Variants in PLCB1 observed in about 807,000 individuals in gnomAD.
The protein encoded by PLCB1 is phospholipase C beta 1, also known as 1-phosphatidylinositol 4,5-bisphosphate phosphodiesterase beta-1.
PLCB1 carries 46 observed loss-of-function variants against 161.8 expected under a neutral mutation model. The observed-to-expected ratio is 0.28, with a 90% confidence interval of 0.22 to 0.36. The LOEUF is 0.36. Among genes scored for constraint, PLCB1 ranks in the 10% least tolerant of loss-of-function variants. The pLI is 1.00. For synonymous variants in PLCB1, 517 were observed against 503.7 expected, an observed-to-expected ratio of 1.03 and a Z score of -0.35; for missense variants, 1,016 against 1,472.5, an observed-to-expected ratio of 0.69 and a Z score of 5.07.
chr20:8,640,805 G>A (rs1007997463), intron 4 of PLCB1, among the ~76,000 whole-genome samples: 2 of 152,194 alleles, frequency 1.3e-5, no homozygotes, highest in East Asian at 3.9e-4. Flanking sequence ...AACTTCAACA[G>A]AAACAAACAT....
intron 3 of PLCB1, among the ~76,000 whole-genome samples, chr20:8,420,394 A>G (rs764484722): frequency 1.8e-4 from 27 of 152,172 alleles, no homozygotes; most frequent in Non-Finnish European, 3.1e-4. Context: ...ATTTTTTAAA[A>G]TTCTTGGATT....
At chr20:8,279,334 A>G (rs1982763455) in intron 2 of PLCB1, among the ~76,000 whole-genome samples, 1 of 152,232 alleles carries the variant, frequency 6.6e-6, no homozygotes, top group African/African-American at 2.4e-5. Context: ...TAGAAGACAG[A>G]TGAAGCTTGG....
At chr20:8,211,608 C>A (rs879567502) in intron 2 of PLCB1, among the ~76,000 whole-genome samples, 15 of 152,038 alleles carry the variant, frequency 9.9e-5, no homozygotes, top group Admixed American at 5.9e-4. Context: ...GGAGAGGATG[C>A]AGAATGATGG....
At chr20:8,844,644 T>C (rs1360486444) in intron 31 of PLCB1, among the ~76,000 whole-genome samples, 2 of 152,136 alleles carry the variant, frequency 1.3e-5, no homozygotes, top group African/African-American at 4.8e-5. Flanking sequence ...TCAAGCCCTG[T>C]AAGTCACTAA....
chr20:8,656,321 C>T (rs1318025509), intron 7 of PLCB1, among the ~76,000 whole-genome samples: 1 of 152,040 alleles, frequency 6.6e-6, no homozygotes, highest in Non-Finnish European at 1.5e-5. Flanking sequence ...TGAACAACTT[C>T]AGACAATAAT....
At chr20:8,482,213 C>G (rs1194102466) in intron 3 of PLCB1, among the ~76,000 whole-genome samples, 1 of 148,612 alleles carries the variant, frequency 6.7e-6, no homozygotes, top group Non-Finnish European at 1.5e-5. Context: ...AAGCCATTCT[C>G]CTACCTCAGC....
chr20:8,785,804 G>C (rs758965464), intron 27 of PLCB1, among the ~76,000 whole-genome samples: 6 of 152,334 alleles, frequency 3.9e-5, no homozygotes, highest in Non-Finnish European at 7.4e-5. Context: ...AAGGGAAACA[G>C]CACATGTGAG....
At chr20:8,604,394 A>G (rs1055454525) in intron 3 of PLCB1, among the ~76,000 whole-genome samples, 1 of 152,156 alleles carries the variant, frequency 6.6e-6, no homozygotes, top group African/African-American at 2.4e-5. Context: ...AAATTAAACA[A>G]TTTCCAATTC....
chr20:8,186,724 G>A (rs893799732), intron 2 of PLCB1, among the ~76,000 whole-genome samples: 4 of 151,940 alleles, frequency 2.6e-5, no homozygotes, highest in East Asian at 1.9e-4. Context: ...AAACCTGTGC[G>A]AGTGAAAAAA....
intron 3 of PLCB1, among the ~76,000 whole-genome samples, chr20:8,570,160 C>CT (rs1474450079): frequency 1.1e-4 from 17 of 152,106 alleles, no homozygotes; most frequent in Admixed American, 1.0e-3. Context: ...AGAATGAGGG[C>CT]TTTTATCCCT....
chr20:8,738,696 C>T (rs1257764339), intron 20 of PLCB1, among the ~76,000 whole-genome samples: 1 of 152,144 alleles, frequency 6.6e-6, no homozygotes, highest in Non-Finnish European at 1.5e-5. Flanking sequence ...AATAAAACAG[C>T]CTATTTTTTT....
intron 27 of PLCB1, among the ~76,000 whole-genome samples, chr20:8,784,291 G>A (rs1463287155): frequency 1.3e-5 from 2 of 151,618 alleles, no homozygotes; most frequent in African/African-American, 2.4e-5. Flanking sequence ...GGTCGGGCTC[G>A]GTGGCTCACA....
chr20:8,585,069 C>T (rs190363148), intron 3 of PLCB1, among the ~76,000 whole-genome samples: 1 of 152,296 alleles, frequency 6.6e-6, no homozygotes, highest in African/African-American at 2.4e-5. Flanking sequence ...ATCACCCTTG[C>T]ACTGCCCTCA....
intron 2 of PLCB1, among the ~76,000 whole-genome samples, chr20:8,287,304 CA>C (rs1983165402): frequency 6.6e-6 from 1 of 152,002 alleles, no homozygotes; most frequent in South Asian, 2.1e-4. Context: ...TATACATGTA[CA>C]TTGATTTTTT....
intron 10 of PLCB1, among the ~76,000 whole-genome samples, chr20:8,690,710 G>A (rs968375887): frequency 3.3e-5 from 5 of 152,198 alleles, no homozygotes; most frequent in African/African-American, 1.2e-4. Flanking sequence ...TGGTTAATTT[G>A]TTAGTCTTAC....
intron 31 of PLCB1, among the ~76,000 whole-genome samples, chr20:8,834,404 C>T (rs914184978): frequency 1.3e-5 from 2 of 151,624 alleles, no homozygotes; most frequent in Non-Finnish European, 2.9e-5. Context: ...GAGATATTCA[C>T]CCTTACATAT....
intron 31 of PLCB1, among the ~76,000 whole-genome samples, chr20:8,812,842 AATTGTCT>A (rs1984895990): frequency 6.6e-6 from 1 of 152,226 alleles, no homozygotes; most frequent in Non-Finnish European, 1.5e-5. Context: ...ACCATAAGGA[AATTGTCT>A]ATTTCCTTTA....
chr20:8,706,816 A>G (rs536333934), intron 11 of PLCB1, among the ~76,000 whole-genome samples: 5 of 152,290 alleles, frequency 3.3e-5, no homozygotes, highest in African/African-American at 1.2e-4. Flanking sequence ...AATCAAGAAT[A>G]GATAACCATC....
chr20:8,666,701 C>T (rs1600237112), intron 9 of PLCB1, among the ~76,000 whole-genome samples: 2 of 152,236 alleles, frequency 1.3e-5, no homozygotes, highest in African/African-American at 4.8e-5. Flanking sequence ...AAAGTTGCAA[C>T]ACAGACCATT....
Sources: allele counts gnomAD v4.1 joint callset (sites outside exome capture counted in the v4.1 genomes callset), GRCh38; gene constraint gnomAD v4.1.1; transcripts MANE v1.5; gene names NCBI Gene and HGNC (gene_info 2026-07-23, HGNC 2026-07-21).